Variants in AUTS2 observed in about 807,000 individuals in gnomAD.
The protein encoded by AUTS2 is activator of transcription and developmental regulator AUTS2.
In AUTS2, 17 loss-of-function variants were observed where a neutral mutation model predicts 112.4. That is an observed-to-expected ratio of 0.15 (90% confidence interval 0.10 to 0.23). The LOEUF (loss-of-function observed/expected upper bound fraction) is 0.23, where lower values mean the gene tolerates loss of function less well. Ranked by LOEUF, AUTS2 falls within the 10% of genes least tolerant of loss-of-function variation. The pLI is 1.00. For synonymous variants in AUTS2, 751 were observed against 702.7 expected (o/e 1.07, Z -1.09); for missense variants, 1,510 against 1,701.6 (o/e 0.89, Z 1.98).
chr7:69,676,361 A>C (rs1310187029), intron 1 of AUTS2, among the ~76,000 whole-genome samples: 1 of 152,158 alleles, frequency 6.6e-6, no homozygotes, highest in Non-Finnish European at 1.5e-5. Flanking sequence ...CTCCATTGAG[A>C]TCACTTTCTT....
chr7:70,473,698 T>C (rs1311396228), intron 5 of AUTS2, among the ~76,000 whole-genome samples: 1 of 151,050 alleles, frequency 6.6e-6, no homozygotes, highest in Non-Finnish European at 1.5e-5. Flanking sequence ...AAAATGTTTG[T>C]TTTTTTGGTG....
intron 5 of AUTS2, among the ~76,000 whole-genome samples, chr7:70,696,031 T>A (rs78732802): frequency 0.029 from 4,435 of 152,046 alleles, 96 homozygotes; most frequent in African/African-American, 0.059. Flanking sequence ...TAATTTTTTT[T>A]AAAAAGCCAG....
At chr7:70,079,128 T>A (rs1416145682) in intron 2 of AUTS2, among the ~76,000 whole-genome samples, 1 of 152,156 alleles carries the variant, frequency 6.6e-6, no homozygotes, top group Middle Eastern at 3.2e-3. Flanking sequence ...CCTTGTGGAC[T>A]GCGTATCTTT....
chr7:70,716,355 C>A (rs1284537169), intron 6 of AUTS2, among the ~76,000 whole-genome samples: 1 of 152,010 alleles, frequency 6.6e-6, no homozygotes, highest in African/African-American at 2.4e-5. Flanking sequence ...TGTTAAAGGC[C>A]GGGCACAGTG....
At chr7:70,541,824 T>C (rs181336781) in intron 5 of AUTS2, among the ~76,000 whole-genome samples, 12 of 152,298 alleles carry the variant, frequency 7.9e-5, no homozygotes, top group East Asian at 7.7e-4. Flanking sequence ...TTGTGAGAAG[T>C]TGGCCAAGGA....
intron 4 of AUTS2, among the ~76,000 whole-genome samples, chr7:70,163,686 A>G (rs997241688): frequency 2.6e-5 from 4 of 152,142 alleles, no homozygotes; most frequent in African/African-American, 9.7e-5. Flanking sequence ...CTGGTAGAGG[A>G]ACAGGAAACT....
rs567752830 is a variant in AUTS2 at position 70,673,203 on chromosome 7, A to G, written c.691-25366A>G. On this transcript the variant is annotated intron_variant, in intron 5 of 18. Transcript: ENST00000342771. The stretch of plus-strand genomic sequence containing the variant: ...CATATGCCCCCCAGGGACAATCCCT[A>G]AGGAATCCAAATTATAATCAGAAAG... 7.2e-5 allele frequency among the ~76,000 whole-genome samples: 11 copies of G among 152,256 alleles called. No homozygotes were observed. The South Asian group carries it at 1.5e-3, about 20-fold the overall frequency.
chr7:70,749,146 C>A (rs895112839), intron 6 of AUTS2, among the ~76,000 whole-genome samples: 1 of 152,144 alleles, frequency 6.6e-6, no homozygotes, highest in African/African-American at 2.4e-5. Flanking sequence ...TCCTGTCCAA[C>A]CTACATGTCG....
rs752423410 is a variant in AUTS2 at position 69,599,765 on chromosome 7, G to T, written c.112G>T (p.Gly38Cys). ...GCTGGGGGCCGGCGCGGCCGGCGGC[G>T]GCGGGGCTGGCCGGACCCGGGCGCT... ...GGLGAGAAGG[G>C]GAGRTRALSL... Residue 38 changes from glycine to cysteine, a missense_variant, in exon 1 of 19, where the codon GGC becomes TGC. By Grantham distance (159) the Gly-to-Cys change is radical. Transcript: ENST00000342771. This position sits in a 1 kb window ranked among gnomAD's most constrained non-coding sequence, Gnocchi z 7.0. The T allele has an allele frequency of 7.9e-6, 11 of 1,393,700 alleles. No individual in the cohort carries two copies. The South Asian group carries it at 1.9e-4, about 24-fold the overall frequency. 86.3% of individuals were successfully genotyped at this position (1,393,700 alleles called of 1,614,324 possible).
intron 6 of AUTS2, among the ~76,000 whole-genome samples, chr7:70,724,443 C>CTTTTGTTTTTT (rs1786890784): frequency 9.9e-6 from 1 of 101,386 alleles, no homozygotes; most frequent in Non-Finnish European, 1.9e-5. Flanking sequence ...TTCATCCTGA[C>CTTTTGTTTTTT]TTTTTTTTTT....
intron 5 of AUTS2, among the ~76,000 whole-genome samples, chr7:70,563,470 G>A (rs995135273): frequency 6.6e-6 from 1 of 152,136 alleles, no homozygotes; most frequent in Non-Finnish European, 1.5e-5. Flanking sequence ...AAAAGAAAAC[G>A]ATGTTAATAG....
In AUTS2 at chr7:70,150,563, C is replaced by T. The variant is rs575688330; in HGVS notation, c.660+15992C>T. Among the ~76,000 whole-genome samples the T allele has an allele frequency of 3.3e-5, 5 of 152,076 alleles. No individual in the cohort carries two copies. The East Asian group carries it at 9.7e-4, about 29-fold the overall frequency. On this transcript the variant is annotated intron_variant, in intron 4 of 18. Coordinates refer to ENST00000342771, the MANE Select transcript of AUTS2 (RefSeq NM_015570.4). ...CTAACAGACTAGAACTTTTTTTTCT[C>T]AAGTGTTTTAAGTGATAGAAATCTA...
At chr7:70,605,475 T>G (rs1193905968) in intron 5 of AUTS2, among the ~76,000 whole-genome samples, 1 of 150,926 alleles carries the variant, frequency 6.6e-6, no homozygotes, top group East Asian at 1.9e-4. Context: ...CTCCTGGTAC[T>G]AAATACTATA....
chr7:70,693,878 G>T (rs12536766), intron 5 of AUTS2, among the ~76,000 whole-genome samples: 88,221 of 151,854 alleles, frequency 0.58, 25,858 homozygotes, highest in East Asian at 0.72. Flanking sequence ...GGCTCGAGCC[G>T]CGGGGGGAGC....
intron 1 of AUTS2, among the ~76,000 whole-genome samples, chr7:69,624,700 C>T (rs1014155698): frequency 3.9e-5 from 6 of 152,198 alleles, no homozygotes; most frequent in African/African-American, 1.4e-4. Flanking sequence ...CTCATGCTCC[C>T]CCATCTTAGT....
intron 1 of AUTS2, among the ~76,000 whole-genome samples, chr7:69,728,531 C>T (rs1369759561): frequency 6.6e-6 from 1 of 152,112 alleles, no homozygotes; most frequent in Non-Finnish European, 1.5e-5. Flanking sequence ...AACATTGAGT[C>T]ATCCATTCTT....
intron 4 of AUTS2, among the ~76,000 whole-genome samples, chr7:70,398,271 G>A (rs1331093144): frequency 6.6e-6 from 1 of 152,128 alleles, no homozygotes; most frequent in African/African-American, 2.4e-5. Context: ...GTTATTGTAG[G>A]TTTATATATT....
chr7:70,306,685 AAAAG>A (rs1376396792), intron 4 of AUTS2, among the ~76,000 whole-genome samples: 2 of 152,244 alleles, frequency 1.3e-5, no homozygotes, highest in Non-Finnish European at 2.9e-5. Context: ...TTTTACAAGA[AAAAG>A]AAAAGAACTG....
At chr7:70,365,543 T>C (rs1433055849) in intron 4 of AUTS2, among the ~76,000 whole-genome samples, 1 of 152,220 alleles carries the variant, frequency 6.6e-6, no homozygotes, top group East Asian at 1.9e-4. Context: ...GTTCATAGAC[T>C]CCTTCCATTC....
Sources: gnomAD v4.1 joint callset for allele counts (sites outside exome capture counted in the v4.1 genomes callset) on GRCh38, gnomAD v4.1.1 for gene constraint, Gnocchi (gnomAD v3.1) non-coding constraint, MANE v1.5 for transcripts, NCBI Gene and HGNC (gene_info 2026-07-23, HGNC 2026-07-21) for gene names.